RIPOR2: variants seen among roughly 807,000 people sequenced by gnomAD.
The protein encoded by RIPOR2 is RHO family interacting cell polarization regulator 2.
A neutral mutation model predicts 114.5 loss-of-function variants in RIPOR2; 39 were observed. That is an observed-to-expected ratio of 0.34 (90% confidence interval 0.26 to 0.44). The LOEUF is 0.44. Ranked by LOEUF, RIPOR2 falls within the 20% of genes least tolerant of loss-of-function variation. RIPOR2 has a pLI of 1.00. For synonymous variants in RIPOR2, 445 were observed against 484.4 expected (o/e 0.92, Z 1.07); for missense variants, 1,007 against 1,255.1 (o/e 0.80, Z 2.99).
chr6:24,910,878 G>T, intron 1 of RIPOR2: 1 of 985,348 alleles, frequency 1.0e-6, no homozygotes, highest in Non-Finnish European at 1.2e-6. Context: ...GCATATAAAA[G>T]CCTCCGCACC....
chr6:24,843,154 T>A lies in RIPOR2; in HGVS notation c.1565A>T (p.Gln522Leu). The change falls in exon 13 of 22, where the codon CAA becomes CTA. Residue 522 changes from glutamine to leucine, a missense_variant. Gln to Leu is a moderately radical substitution (Grantham distance 113). Transcript: ENST00000643898. ...GAGCTCAGAGGCCTCCTCAGACTCT[T>A]GCAGAAGTGCTTCTGCAACATCATT... Reference protein sequence around the residue: ...LENDVAEALLQESEEASELKP... With the variant: ...LENDVAEALLLESEEASELKP... The A allele has an allele frequency of 6.2e-7, 1 of 1,613,994 alleles. No homozygotes were observed. The highest frequency in any genetic ancestry group is 1.1e-5 in the South Asian group (1 of 91,082).
intron 1 of RIPOR2, among the ~76,000 whole-genome samples, chr6:24,931,504 A>G (rs1469786646): frequency 1.3e-5 from 2 of 152,216 alleles, no homozygotes; most frequent in Non-Finnish European, 2.9e-5. Context: ...TTGCCAGTTC[A>G]TCTCCATCTG....
At chr6:24,934,098 G>C (rs983954581) in intron 1 of RIPOR2, among the ~76,000 whole-genome samples, 4 of 152,174 alleles carry the variant, frequency 2.6e-5, no homozygotes, top group African/African-American at 9.7e-5. Flanking sequence ...GCAAAGAAAT[G>C]TGGGCTGGGC....
chr6:24,856,912 T>A (rs1246804220), intron 8 of RIPOR2, among the ~76,000 whole-genome samples: 1 of 149,426 alleles, frequency 6.7e-6, no homozygotes. Flanking sequence ...TTCCCCCCCC[T>A]TTAAAATTAC....
At chr6:24,926,987 CACA>C (rs1770908554) in intron 1 of RIPOR2, among the ~76,000 whole-genome samples, 1 of 100,350 alleles carries the variant, frequency 1.0e-5, no homozygotes, top group African/African-American at 4.4e-5. Context: ...CCACCACCAC[CACA>C]ACTACAATCA....
At chr6:24,849,971 G>A (rs1762699487) in intron 10 of RIPOR2, 21 bp from the exon 11 acceptor site, 2 of 1,607,948 alleles carry the variant, frequency 1.2e-6, no homozygotes, top group African/African-American at 1.3e-5. Context: ...GAGTGGGAGA[G>A]AATAGGCCTT....
At chr6:24,819,269 T>C (rs1352185066) in intron 19 of RIPOR2, among the ~76,000 whole-genome samples, 2 of 152,052 alleles carry the variant, frequency 1.3e-5, no homozygotes, top group African/African-American at 4.8e-5. Context: ...AGTCAGTCAC[T>C]TGGAGAAGAG....
chr6:24,851,196 G>A (rs1762864915), intron 9 of RIPOR2, among the ~76,000 whole-genome samples: 1 of 152,078 alleles, frequency 6.6e-6, no homozygotes, highest in African/African-American at 2.4e-5. Flanking sequence ...TGCCTGGCCC[G>A]AGACTTTTAA....
chr6:24,881,910 C>T (rs1766390488), intron 1 of RIPOR2, among the ~76,000 whole-genome samples: 1 of 152,158 alleles, frequency 6.6e-6, no homozygotes, highest in Admixed American at 6.5e-5. Flanking sequence ...AGGTCTCAGG[C>T]TCTGATTGGA....
chr6:24,863,009 G>C (rs780249779), intron 7 of RIPOR2, among the ~76,000 whole-genome samples: 2 of 152,088 alleles, frequency 1.3e-5, no homozygotes, highest in African/African-American at 2.4e-5. Flanking sequence ...CTGGAGTGTA[G>C]TGGCGCCGTC....
chr6:24,989,293 G>A lies in RIPOR2; in HGVS notation c.76+52558C>T, dbSNP rs894645551. ...TATTTTACTTATACTAATTGTACTT[G>A]TCTTTTTCTTTTTTTTTTTCGAGAC... On this transcript the variant is annotated intron_variant, in intron 1 of 13. Coordinates refer to the RIPOR2 transcript ENST00000510784. 2.2e-5 allele frequency among the ~76,000 whole-genome samples: 3 copies of A among 136,942 alleles called. No individual in the cohort carries two copies. The East Asian group carries it at 6.1e-4, about 28-fold the overall frequency. The allele number at this position is 136,942 out of a possible 152,430, so 89.8% of individuals were successfully genotyped here.
chr6:24,866,158 T>C (rs1393821196), intron 6 of RIPOR2, among the ~76,000 whole-genome samples: 1 of 152,166 alleles, frequency 6.6e-6, no homozygotes. Flanking sequence ...TCTAAATATA[T>C]CAAACTGAAC....
chr6:24,822,654 G>A (rs1392007807), intron 19 of RIPOR2, among the ~76,000 whole-genome samples: 1 of 152,148 alleles, frequency 6.6e-6, no homozygotes, highest in Admixed American at 6.6e-5. Context: ...GAGTAGCTGG[G>A]ACTACAGGTG....
intron 1 of RIPOR2, among the ~76,000 whole-genome samples, chr6:25,039,903 G>A (rs1438714006): frequency 6.6e-6 from 1 of 152,184 alleles, no homozygotes; most frequent in African/African-American, 2.4e-5. Context: ...TTTGCTTGAT[G>A]CAAATTGTTT....
chr6:24,976,849 G>A, intron 1 of RIPOR2: 1 of 1,610,180 alleles, frequency 6.2e-7, no homozygotes, highest in Non-Finnish European at 8.5e-7. Context: ...CTGAGTGGTT[G>A]GATGGCAAGC....
At chr6:24,969,199 C>T (rs774705989) in intron 1 of RIPOR2, among the ~76,000 whole-genome samples, 3 of 152,150 alleles carry the variant, frequency 2.0e-5, no homozygotes, top group Non-Finnish European at 4.4e-5. Context: ...TTTGTATGTG[C>T]TCTGGGGTGA....
chr6:24,980,686 GC>G (rs1774250364), intron 1 of RIPOR2, among the ~76,000 whole-genome samples: 1 of 152,194 alleles, frequency 6.6e-6, no homozygotes, highest in Non-Finnish European at 1.5e-5. Flanking sequence ...ATCCCCAGGT[GC>G]AAGTGGGTAT....
chr6:24,911,107 G>GCGGAGCTAGAGC, intron 1 of RIPOR2: 1 of 396,250 alleles, frequency 2.5e-6, no homozygotes, highest in Non-Finnish European at 3.4e-6. Context: ...GCGGCGGAGC[G>GCGGAGCTAGAGC]GGCGGAGGGG....
At chr6:24,818,655 C>T in intron 19 of RIPOR2, 30 bp from the exon 20 acceptor site, 1 of 1,475,142 alleles carries the variant, frequency 6.8e-7, no homozygotes, top group Non-Finnish European at 9.2e-7. Context: ...CTCATGAAGG[C>T]ATTTTGGTTT....
Sources: allele counts gnomAD v4.1 joint callset (sites outside exome capture counted in the v4.1 genomes callset), GRCh38; gene constraint gnomAD v4.1.1; transcripts MANE v1.5; gene names NCBI Gene and HGNC (gene_info 2026-07-23, HGNC 2026-07-21).